TBL1X: variants seen among roughly 807,000 people sequenced by gnomAD.
TBL1X encodes transducin beta like 1 X-linked.
TBL1X carries 10 observed loss-of-function variants against 50.7 expected under a neutral mutation model. That is an observed-to-expected ratio of 0.20 (90% CI 0.12 to 0.33). The LOEUF (loss-of-function observed/expected upper bound fraction) is 0.33, where lower values mean the gene tolerates loss of function less well. Ranked by LOEUF, TBL1X falls within the 10% of genes least tolerant of loss-of-function variation. The pLI is 1.00. For synonymous variants in TBL1X, 190 were observed against 214.7 expected (o/e 0.88, Z 1.01); for missense variants, 340 against 504.4 (o/e 0.67, Z 3.12).
intron 1 of TBL1X, among the ~76,000 whole-genome samples, chrX:9,497,533 A>C (rs764566969): frequency 1.8e-5 from 2 of 111,159 alleles, no homozygotes; most frequent in South Asian, 7.6e-4. Flanking sequence ...AGTTAAGCTC[A>C]GGGGTTGCTA....
chrX:9,623,909 G>A (rs1325030890), intron 2 of TBL1X, among the ~76,000 whole-genome samples: 3 of 111,462 alleles, frequency 2.7e-5, no homozygotes, highest in Non-Finnish European at 5.6e-5. Flanking sequence ...AGCCTGCAGG[G>A]GGCATTTCCT....
intron 2 of TBL1X, among the ~76,000 whole-genome samples, chrX:9,599,932 T>C (rs2082545919): frequency 9.0e-6 from 1 of 111,627 alleles, no homozygotes; most frequent in African/African-American, 3.3e-5. Flanking sequence ...GGACTGCTGA[T>C]CAGAATGTGC....
At chrX:9,675,168 G>A (rs1178953424) in intron 5 of TBL1X, among the ~76,000 whole-genome samples, 1 of 112,089 alleles carries the variant, frequency 8.9e-6, no homozygotes, top group African/African-American at 3.2e-5. Context: ...GCTTGAGAAA[G>A]GGCATAGAGT....
intron 2 of TBL1X, among the ~76,000 whole-genome samples, chrX:9,539,283 T>C (rs2082203908): frequency 1.8e-5 from 2 of 111,751 alleles, no homozygotes; most frequent in African/African-American, 6.5e-5. Flanking sequence ...GGGTGCATTG[T>C]GTCACCACCA....
At chrX:9,609,537 T>C (rs1160616200) in intron 2 of TBL1X, among the ~76,000 whole-genome samples, 1 of 111,292 alleles carries the variant, frequency 9.0e-6, no homozygotes, top group Non-Finnish European at 1.9e-5. Context: ...TATGCATCTC[T>C]TTCATGAAGT....
At chrX:9,484,311 T>G (rs769658007) in intron 1 of TBL1X, among the ~76,000 whole-genome samples, 229 of 105,572 alleles carry the variant, frequency 2.2e-3, no homozygotes, top group Non-Finnish European at 3.9e-3. Context: ...CTGGCTCGTT[T>G]TTTCATACAC....
intron 2 of TBL1X, among the ~76,000 whole-genome samples, chrX:9,532,557 T>C (rs2082167643): frequency 9.0e-6 from 1 of 111,037 alleles, no homozygotes; most frequent in African/African-American, 3.3e-5. Context: ...GGGCTTGCCT[T>C]AGTCTCCTGG....
chrX:9,685,481 G>C (rs1427307367), intron 6 of TBL1X, among the ~76,000 whole-genome samples: 1 of 110,019 alleles, frequency 9.1e-6, no homozygotes, highest in Non-Finnish European at 1.9e-5. Flanking sequence ...TCCTCCCTCT[G>C]CTTCTCTTTC....
At chrX:9,537,679 G>A (rs1256055060) in intron 2 of TBL1X, among the ~76,000 whole-genome samples, 2 of 112,746 alleles carry the variant, frequency 1.8e-5, no homozygotes, top group Non-Finnish European at 3.7e-5. Context: ...CCAGTGTATG[G>A]ATGGACTACA....
intron 2 of TBL1X, among the ~76,000 whole-genome samples, chrX:9,538,568 A>G (rs1050427660): frequency 1.8e-5 from 2 of 112,402 alleles, no homozygotes; most frequent in African/African-American, 6.5e-5. Context: ...TCCTTCAGAT[A>G]TCTTCTCTTT....
chrX:9,555,059 G>A (rs1032355769), intron 2 of TBL1X, among the ~76,000 whole-genome samples: 4 of 111,716 alleles, frequency 3.6e-5, no homozygotes, highest in African/African-American at 1.3e-4. Flanking sequence ...AGCATGGATT[G>A]ATCCTTCACT....
chrX:9,577,599 C>T (rs779476715), intron 2 of TBL1X, among the ~76,000 whole-genome samples: 28 of 112,217 alleles, frequency 2.5e-4, no homozygotes, highest in African/African-American at 4.2e-4. Flanking sequence ...AGGGACACTG[C>T]TCAACATCCC....
At chrX:9,715,093 C>A in intron 17 of TBL1X, 90 bp downstream of exon 17, 2 of 886,225 alleles carry the variant, frequency 2.3e-6, no homozygotes, top group Non-Finnish European at 3.2e-6. Flanking sequence ...GCATTCGTGT[C>A]CTGAAGGGCC....
At chrX:9,678,162 G>GT (rs1472473189) in intron 5 of TBL1X, among the ~76,000 whole-genome samples, 4 of 111,507 alleles carry the variant, frequency 3.6e-5, no homozygotes, top group South Asian at 3.7e-4. Context: ...GTTTTTTGTT[G>GT]TTTTTTTCTG....
At chrX:9,630,902 C>A (rs1418450392) in intron 2 of TBL1X, among the ~76,000 whole-genome samples, 2 of 112,052 alleles carry the variant, frequency 1.8e-5, no homozygotes, top group Non-Finnish European at 3.8e-5. Context: ...TCCGTAGATG[C>A]AGAACTTGTG....
chrX:9,482,022 C>A (rs1364942255), intron 1 of TBL1X, among the ~76,000 whole-genome samples: 1 of 111,980 alleles, frequency 8.9e-6, no homozygotes, highest in East Asian at 2.8e-4. Flanking sequence ...AATTATGTTT[C>A]AGAAAAAAAC....
chrX:9,487,284 C>G (rs927217493), intron 1 of TBL1X, among the ~76,000 whole-genome samples: 1 of 111,676 alleles, frequency 9.0e-6, no homozygotes, highest in Non-Finnish European at 1.9e-5. Context: ...GACCCTGTAC[C>G]TGTTAAGACA....
intron 13 of TBL1X, among the ~76,000 whole-genome samples, chrX:9,705,956 C>T (rs1034778237): frequency 9.0e-6 from 1 of 110,820 alleles, no homozygotes; most frequent in Non-Finnish European, 1.9e-5. Flanking sequence ...AGGCTTCCAA[C>T]CATGGCAGGA....
In TBL1X at chrX:9,704,753, G is replaced by A. The variant is rs2283694; in HGVS notation, c.1115-240G>A. On this transcript the variant is annotated intron_variant, in intron 12 of 17. Transcript: ENST00000645353. Reference sequence around the variant, plus strand: ...AAAAAAAAATTTAAATTAGCTAGGCGTGATGGCATGCGCTATTCAGAAGGC... The same window carrying A: ...AAAAAAAAATTTAAATTAGCTAGGCATGATGGCATGCGCTATTCAGAAGGC... 0.2 allele frequency among the ~76,000 whole-genome samples: 21,624 copies of A among 110,281 alleles called. 1,613 individuals carry two copies. The highest frequency in any genetic ancestry group is 0.25 in the East Asian group (889 of 3,489).
Sources: gnomAD v4.1 joint callset for allele counts (sites outside exome capture counted in the v4.1 genomes callset) on GRCh38, gnomAD v4.1.1 for gene constraint, MANE v1.5 for transcripts, NCBI Gene and HGNC (gene_info 2026-07-23, HGNC 2026-07-21) for gene names.